The following ASCC1 variants were observed in gnomAD, a reference collection of about 807,000 sequenced individuals.
The protein encoded by ASCC1 is activating signal cointegrator 1 complex subunit 1.
Under a neutral mutation model 46.6 loss-of-function variants are expected in ASCC1, and 35 were observed. That is an observed-to-expected ratio of 0.75 (90% CI 0.57 to 0.99). The LOEUF (loss-of-function observed/expected upper bound fraction) is 0.99. ASCC1 is among the 50% of genes least tolerant of loss of function. The pLI is 0.00. For missense variants in ASCC1, 376 were observed against 428.7 expected, an observed-to-expected ratio of 0.88 and a Z score of 1.09; for synonymous variants, 143 against 146.6, an observed-to-expected ratio of 0.98 and a Z score of 0.18.
chr10:72,173,730 C>T (rs1851522474), intron 5 of ASCC1, among the ~76,000 whole-genome samples: 1 of 149,750 alleles, frequency 6.7e-6, no homozygotes, highest in Non-Finnish European at 1.5e-5. Flanking sequence ...TCTCTAGAGC[C>T]ACTGTTTTTC....
At chr10:72,191,634 G>C (rs1185636214) in intron 5 of ASCC1, among the ~76,000 whole-genome samples, 1 of 151,490 alleles carries the variant, frequency 6.6e-6, no homozygotes, top group African/African-American at 2.4e-5. Flanking sequence ...CTTCATATTT[G>C]AGGGTTAGGA....
rs552990340 is a variant in ASCC1, at chr10:72,161,502, T to C, written c.626+36A>G. 1.4e-5 allele frequency: 22 copies of C among 1,614,010 alleles called. No individual in the cohort carries two copies. In the African/African-American group the frequency reaches 1.9e-4, roughly 14 times the overall value. On this transcript the variant is annotated intron_variant, in intron 6 of 9. Transcript: ENST00000672957. ...AATACCAAAAAGAAGCCAGCCCAGGTAGACCACCCAACCCCCATCCCTGAG... is the reference window on the plus strand; with the variant it reads ...AATACCAAAAAGAAGCCAGCCCAGGCAGACCACCCAACCCCCATCCCTGAG...
intron 7 of ASCC1, among the ~76,000 whole-genome samples, chr10:72,150,162 G>T (rs984028030): frequency 6.6e-6 from 1 of 150,850 alleles, no homozygotes; most frequent in Non-Finnish European, 1.5e-5. Flanking sequence ...TCCAGCCCAG[G>T]CAACAAAAGC....
At chr10:72,172,778 TTATATTA>T (rs1170751193) in intron 5 of ASCC1, among the ~76,000 whole-genome samples, 5 of 136,320 alleles carry the variant, frequency 3.7e-5, no homozygotes, top group South Asian at 2.1e-4. Context: ...ATTATATTTT[TTATATTA>T]TATATTATAT....
intron 7 of ASCC1, among the ~76,000 whole-genome samples, chr10:72,148,368 T>C (rs1847889895): frequency 6.6e-6 from 1 of 152,198 alleles, no homozygotes; most frequent in Non-Finnish European, 1.5e-5. Context: ...AAAACGCACT[T>C]GTGAGCTGTC....
At chr10:72,101,409 G>A (rs190541342) in intron 9 of ASCC1, among the ~76,000 whole-genome samples, 3 of 152,262 alleles carry the variant, frequency 2.0e-5, no homozygotes, top group Non-Finnish European at 2.9e-5. Context: ...TGAGGGCTGC[G>A]GACCTAGGAA....
intron 3 of ASCC1, among the ~76,000 whole-genome samples, chr10:72,209,519 C>T (rs528656387): frequency 2.8e-4 from 43 of 152,198 alleles, no homozygotes; most frequent in African/African-American, 1.0e-3. Flanking sequence ...TGCAGTGGCT[C>T]ACACCTATAA....
At chr10:72,142,886 G>C (rs115657801) in intron 7 of ASCC1, among the ~76,000 whole-genome samples, 1,766 of 152,116 alleles carry the variant, frequency 0.012, 26 homozygotes, top group African/African-American at 0.04. Context: ...AATGGGCCAG[G>C]CATGGTGACT....
intron 5 of ASCC1, among the ~76,000 whole-genome samples, chr10:72,180,495 G>A (rs981962926): frequency 1.3e-5 from 2 of 151,842 alleles, no homozygotes; most frequent in African/African-American, 2.4e-5. Flanking sequence ...GTGTGGTGGT[G>A]TGTGCCTGTA....
chr10:72,101,558 C>T (rs1354543201), intron 9 of ASCC1, among the ~76,000 whole-genome samples: 4 of 151,852 alleles, frequency 2.6e-5, no homozygotes, highest in Non-Finnish European at 5.9e-5. Context: ...TTGGAAGGTT[C>T]CTAGAGTGAA....
rs147126061 is a variant in ASCC1, at chr10:72,138,508, T to C, written c.747-5327A>G. 4.2e-3 allele frequency among the ~76,000 whole-genome samples: 638 copies of C among 152,194 alleles called. 10 individuals carry two copies. The highest frequency in any genetic ancestry group is 0.014 in the African/African-American group (570 of 41,520). ...GCTCTTTTTACACAGAAGGAAATGA[T>C]GCAGAGAGGCTGGGTTGCTCAGTCA... On this transcript the variant is annotated intron_variant, in intron 7 of 9. Transcript: ENST00000672957.
At chr10:72,172,271 CA>C (rs1851196031) in intron 5 of ASCC1, among the ~76,000 whole-genome samples, 4 of 151,674 alleles carry the variant, frequency 2.6e-5, no homozygotes, top group Non-Finnish European at 4.4e-5. Context: ...AAAAATTAGC[CA>C]GGCCTAGTGG....
At chr10:72,102,750 A>G in intron 9 of ASCC1, 2 of 351,400 alleles carry the variant, frequency 5.7e-6, no homozygotes, top group South Asian at 4.4e-5. Flanking sequence ...TAAGGCAGGC[A>G]GATCATCTGA....
At chr10:72,120,024 G>C (rs1843999086) in intron 9 of ASCC1, among the ~76,000 whole-genome samples, 1 of 152,158 alleles carries the variant, frequency 6.6e-6, no homozygotes, top group African/African-American at 2.4e-5. Flanking sequence ...ATCACCTGAG[G>C]TCAGGAGTTT....
intron 5 of ASCC1, among the ~76,000 whole-genome samples, chr10:72,170,097 G>T (rs1042310504): frequency 6.6e-5 from 10 of 151,818 alleles, no homozygotes; most frequent in African/African-American, 2.4e-4. Flanking sequence ...TAAAGCCTGG[G>T]CGACAAGAGT....
chr10:72,101,826 T>C (rs758126810), intron 9 of ASCC1, among the ~76,000 whole-genome samples: 3 of 151,844 alleles, frequency 2.0e-5, no homozygotes, highest in Non-Finnish European at 2.9e-5. Flanking sequence ...TGATGTTGAG[T>C]GTCTCAACTA....
chr10:72,146,806 A>G (rs1847682775), intron 7 of ASCC1, among the ~76,000 whole-genome samples: 1 of 152,128 alleles, frequency 6.6e-6, no homozygotes, highest in South Asian at 2.1e-4. Flanking sequence ...TTCACATTCA[A>G]TCATTTAAGG....
At chr10:72,196,777 T>A (rs1392022857) in intron 5 of ASCC1, 34 bp downstream of exon 5, 5 of 1,588,370 alleles carry the variant, frequency 3.1e-6, no homozygotes, top group Admixed American at 1.7e-5. Context: ...ATATTTAACT[T>A]TTTTTTTAAC....
At chr10:72,108,160 T>G (rs960093023) in intron 9 of ASCC1, among the ~76,000 whole-genome samples, 1 of 148,738 alleles carries the variant, frequency 6.7e-6, no homozygotes, top group African/African-American at 2.5e-5. Flanking sequence ...CACTGCAGCC[T>G]CCACCTCCCA....
Sources: allele counts gnomAD v4.1 joint callset (sites outside exome capture counted in the v4.1 genomes callset), GRCh38; gene constraint gnomAD v4.1.1; transcripts MANE v1.5; gene names NCBI Gene and HGNC (gene_info 2026-07-23, HGNC 2026-07-21).